Variants in ARHGAP6 observed in about 807,000 individuals in gnomAD.
ARHGAP6 encodes the protein Rho GTPase activating protein 6.
In ARHGAP6, 16 loss-of-function variants were observed where a neutral mutation model predicts 55.7. The observed-to-expected ratio is 0.29, with a 90% CI of 0.19 to 0.44. The LOEUF (loss-of-function observed/expected upper bound fraction) is 0.44. Among genes scored for constraint, ARHGAP6 ranks in the 20% least tolerant of loss-of-function variants. The pLI, the probability that ARHGAP6 is intolerant of heterozygous loss-of-function variation, is 1.00. For missense variants in ARHGAP6, 698 were observed against 808.9 expected, an observed-to-expected ratio of 0.86 and a Z score of 1.66; for synonymous variants, 382 against 360.9, an observed-to-expected ratio of 1.06 and a Z score of -0.66.
At chrX:11,579,627 G>A (rs2051642350) in intron 1 of ARHGAP6, among the ~76,000 whole-genome samples, 1 of 111,857 alleles carries the variant, frequency 8.9e-6, no homozygotes. Flanking sequence ...TTATCTGGGG[G>A]CAGAGCCCTT....
intron 1 of ARHGAP6, among the ~76,000 whole-genome samples, chrX:11,307,035 T>C (rs2048245253): frequency 9.0e-6 from 1 of 111,341 alleles, no homozygotes; most frequent in Admixed American, 9.5e-5. Context: ...TGGATGGTCC[T>C]CATGCCTTCT....
At chrX:11,582,885 T>A (rs776799971) in intron 1 of ARHGAP6, among the ~76,000 whole-genome samples, 2 of 111,507 alleles carry the variant, frequency 1.8e-5, no homozygotes, top group African/African-American at 6.5e-5. Context: ...TATGCAATAT[T>A]TATTTGTGAA....
chrX:11,552,663 A>G (rs2051282949), intron 1 of ARHGAP6, among the ~76,000 whole-genome samples: 1 of 93,926 alleles, frequency 1.1e-5, no homozygotes, highest in African/African-American at 3.9e-5. Flanking sequence ...AAGAAATCCT[A>G]CCATTTGCAA....
intron 9 of ARHGAP6, among the ~76,000 whole-genome samples, chrX:11,161,584 C>A (rs1432605581): frequency 7.4e-5 from 8 of 108,727 alleles, no homozygotes; most frequent in African/African-American, 2.7e-4. Context: ...TTACGGGAAT[C>A]AAAAGCGCTA....
At chrX:11,182,552 AAT>A (rs2046327504) in intron 5 of ARHGAP6, among the ~76,000 whole-genome samples, 1 of 111,089 alleles carries the variant, frequency 9.0e-6, no homozygotes, top group South Asian at 3.8e-4. Context: ...ATGTAAAAAT[AAT>A]ATACTTTTAG....
intron 1 of ARHGAP6, among the ~76,000 whole-genome samples, chrX:11,610,348 A>G (rs890115248): frequency 3.6e-5 from 4 of 111,139 alleles, no homozygotes; most frequent in African/African-American, 1.3e-4. Context: ...CTCATCTCAC[A>G]TACACCATTT....
rs150059353 is a variant in ARHGAP6, at chrX:11,254,401, G to A, written c.748+147C>T. 2.2e-3 allele frequency: 1,605 copies of A among 732,640 alleles called. 17 individuals are homozygous for A. The African/African-American group carries it at 0.029, about 13-fold the overall frequency. The allele number at this position is 732,640 out of a possible 1,213,427, so 60.4% of individuals were successfully genotyped here. A position where few individuals can be genotyped will look rare whatever the true frequency, so the allele number is the denominator to read the frequency against. On this transcript the variant is annotated intron_variant, in intron 2 of 12. Transcript: ENST00000337414. ...TCCCTCTTGAACATGTCCTTCAAAT[G>A]GACACTAATGCCAGCCAACAACCAA... is the stretch of plus-strand genomic sequence containing the variant.
chrX:11,479,969 T>C (rs1035408795), intron 1 of ARHGAP6, among the ~76,000 whole-genome samples: 6 of 111,379 alleles, frequency 5.4e-5, no homozygotes, highest in Non-Finnish European at 1.1e-4. Flanking sequence ...AGCAGGATAC[T>C]GTGAAAATGA....
At chrX:11,515,482 A>G (rs1055941819) in intron 1 of ARHGAP6, among the ~76,000 whole-genome samples, 6 of 109,134 alleles carry the variant, frequency 5.5e-5, no homozygotes, top group African/African-American at 2.0e-4. Context: ...ACTGGAGCAC[A>G]TAACTATACC....
intron 2 of ARHGAP6, among the ~76,000 whole-genome samples, chrX:11,217,657 T>C (rs1180359096): frequency 8.9e-6 from 1 of 112,028 alleles, no homozygotes; most frequent in Admixed American, 9.5e-5. Context: ...TCCCATTCTG[T>C]AGGTTACCTG....
At chrX:11,192,188 G>A (rs768415034) in intron 3 of ARHGAP6, among the ~76,000 whole-genome samples, 100 of 112,131 alleles carry the variant, frequency 8.9e-4, no homozygotes, top group Non-Finnish European at 1.6e-3. Context: ...CCAAAAGTTT[G>A]CCTGTTCTTC....
intron 6 of ARHGAP6, among the ~76,000 whole-genome samples, chrX:11,179,654 T>C (rs1387208432): frequency 9.4e-6 from 1 of 106,830 alleles, no homozygotes; most frequent in Non-Finnish European, 1.9e-5. Context: ...TGTGTATACA[T>C]ATATATGTAT....
At chrX:11,465,587 G>C (rs2050284819) in intron 1 of ARHGAP6, among the ~76,000 whole-genome samples, 1 of 112,135 alleles carries the variant, frequency 8.9e-6, no homozygotes, top group African/African-American at 3.2e-5. Flanking sequence ...AATTTGGACA[G>C]TGGATTTTCA....
chrX:11,391,487 A>G (rs1037518969), intron 1 of ARHGAP6, among the ~76,000 whole-genome samples: 16 of 101,292 alleles, frequency 1.6e-4, no homozygotes, highest in Middle Eastern at 5.9e-3. Context: ...GAAAAGAAAA[A>G]AAAAAGCCAG....
intron 1 of ARHGAP6, among the ~76,000 whole-genome samples, chrX:11,656,901 C>T (rs1404738305): frequency 8.9e-6 from 1 of 112,547 alleles, no homozygotes; most frequent in Admixed American, 9.4e-5. Context: ...ATGCAATTAA[C>T]ACTCTGAAAA....
intron 1 of ARHGAP6, among the ~76,000 whole-genome samples, chrX:11,258,456 T>C (rs1451150749): frequency 2.7e-5 from 3 of 110,375 alleles, no homozygotes; most frequent in African/African-American, 9.9e-5. Flanking sequence ...TCACCCAGTT[T>C]TGGACATGGT....
chrX:11,191,309 G>A (rs1035332274), intron 3 of ARHGAP6, among the ~76,000 whole-genome samples: 28 of 111,453 alleles, frequency 2.5e-4, no homozygotes, highest in African/African-American at 8.5e-4. Flanking sequence ...TCCAGCCTCC[G>A]CACTGTTGGC....
At chrX:11,352,933 T>C (rs184510305) in intron 1 of ARHGAP6, among the ~76,000 whole-genome samples, 8 of 111,993 alleles carry the variant, frequency 7.1e-5, no homozygotes, top group East Asian at 5.6e-4. Context: ...CATATGCACA[T>C]ATATATAATC....
At chrX:11,483,652 T>C (rs1023727681) in intron 1 of ARHGAP6, among the ~76,000 whole-genome samples, 2 of 111,314 alleles carry the variant, frequency 1.8e-5, no homozygotes, top group East Asian at 2.8e-4. Flanking sequence ...ATGTTTTTTT[T>C]TTTTCTTTTC....
Sources: allele counts gnomAD v4.1 joint callset (sites outside exome capture counted in the v4.1 genomes callset), GRCh38; gene constraint gnomAD v4.1.1; transcripts MANE v1.5; gene names NCBI Gene and HGNC (gene_info 2026-07-23, HGNC 2026-07-21).